NUDT3: variants seen among roughly 807,000 people sequenced by gnomAD.
NUDT3 encodes nudix hydrolase 3, also known as diphosphoinositol polyphosphate phosphohydrolase 1.
NUDT3 carries 9 observed loss-of-function variants against 23.6 expected under a neutral mutation model. The ratio of observed to expected loss-of-function variants is 0.38; its 90% CI spans 0.23 to 0.66. The LOEUF (loss-of-function observed/expected upper bound fraction) is 0.66, where lower values mean the gene tolerates loss of function less well. NUDT3 is among the 30% of genes least tolerant of loss of function. NUDT3 has a pLI of 0.52. For missense variants in NUDT3, 172 were observed against 218.5 expected, an observed-to-expected ratio of 0.79 and a Z score of 1.34; for synonymous variants, 86 against 82.6, an observed-to-expected ratio of 1.04 and a Z score of -0.22.
intron 1 of NUDT3, among the ~76,000 whole-genome samples, chr6:34,368,124 C>A (rs370912837): frequency 3.3e-4 from 51 of 152,284 alleles, no homozygotes; most frequent in African/African-American, 1.0e-3. Context: ...TCACTTGAAC[C>A]CAGGAGGCAG....
chr6:34,390,790 A>G (rs1765186019), intron 1 of NUDT3, among the ~76,000 whole-genome samples: 1 of 152,188 alleles, frequency 6.6e-6, no homozygotes, highest in Non-Finnish European at 1.5e-5. Flanking sequence ...TTTTCCCTTC[A>G]GTTAAGAGCC....
chr6:34,354,875 C>G (rs1764539410), intron 1 of NUDT3, among the ~76,000 whole-genome samples: 1 of 146,978 alleles, frequency 6.8e-6, no homozygotes, highest in Non-Finnish European at 1.5e-5. Context: ...ACTTTATATT[C>G]TATGCCATAC....
At chr6:34,383,279 C>T (rs897925681) in intron 1 of NUDT3, among the ~76,000 whole-genome samples, 2 of 151,916 alleles carry the variant, frequency 1.3e-5, no homozygotes, top group African/African-American at 2.4e-5. Context: ...ATAACCAAGC[C>T]GAAGAAAAGA....
chr6:34,290,864 G>A (rs947375816), intron 4 of NUDT3, among the ~76,000 whole-genome samples: 27 of 150,872 alleles, frequency 1.8e-4, no homozygotes, highest in African/African-American at 3.9e-4. Flanking sequence ...ATGTGATCCC[G>A]GCTCACTGCA....
intron 2 of NUDT3, among the ~76,000 whole-genome samples, chr6:34,301,109 T>G (rs1352873082): frequency 6.6e-6 from 1 of 152,254 alleles, no homozygotes; most frequent in Non-Finnish European, 1.5e-5. Context: ...AGTTATCTAT[T>G]TTAGGAATTT....
chr6:34,371,379 T>C (rs1195131275), intron 1 of NUDT3, among the ~76,000 whole-genome samples: 1 of 151,660 alleles, frequency 6.6e-6, no homozygotes, highest in South Asian at 2.1e-4. Flanking sequence ...GGCAGGAGAA[T>C]TGCTTGAACC....
At chr6:34,389,412 T>C (rs1455619384) in intron 1 of NUDT3, among the ~76,000 whole-genome samples, 1 of 152,226 alleles carries the variant, frequency 6.6e-6, no homozygotes, top group Admixed American at 6.5e-5. Context: ...GTGAGTCAAT[T>C]AAACCTCTTT....
chr6:34,324,140 A>G (rs566782323), intron 2 of NUDT3, among the ~76,000 whole-genome samples: 1 of 152,204 alleles, frequency 6.6e-6, no homozygotes, highest in African/African-American at 2.4e-5. Flanking sequence ...AGATCACCTG[A>G]GGTCAGGAGT....
intron 2 of NUDT3, among the ~76,000 whole-genome samples, chr6:34,321,221 T>C (rs1763937033): frequency 6.6e-6 from 1 of 152,088 alleles, no homozygotes. Context: ...GTGGATTGCC[T>C]GAGCTCAGGA....
Position 34,285,160 on chromosome 6 carries a change from G to A in NUDT3, c.*3593C>T, listed in dbSNP as rs1763319252. ...CTCCATGCAGGGCAGATGGAGTGGT[G>A]GACACTTGTGAAAACAAAACACTAA... is the stretch of plus-strand genomic sequence containing the variant. On this transcript the variant is annotated 3_prime_UTR_variant, in exon 5 of 5. Transcript: ENST00000607016. 6.6e-6 allele frequency: 1 copy of A among 152,170 alleles called. No homozygotes were observed. Among genetic ancestry groups the A allele is most frequent in the Admixed American group, 6.5e-5 (1 of 15,270 alleles). The allele number at this position is 152,170 out of a possible 1,614,324, so 9.4% of individuals were successfully genotyped here. A position where few individuals can be genotyped will look rare whatever the true frequency, so the allele number is the denominator to read the frequency against.
At chr6:34,388,899 A>C (rs1475529108) in intron 1 of NUDT3, among the ~76,000 whole-genome samples, 1 of 152,240 alleles carries the variant, frequency 6.6e-6, no homozygotes, top group African/African-American at 2.4e-5. Context: ...TCCTCGGCTC[A>C]TTAGCCAACG....
intron 1 of NUDT3, among the ~76,000 whole-genome samples, chr6:34,382,826 G>A (rs1346482976): frequency 6.6e-6 from 1 of 150,882 alleles, no homozygotes; most frequent in Admixed American, 6.6e-5. Context: ...GCAAGACCCT[G>A]TCTCAAAAAA....
intron 3 of NUDT3, 61 bp downstream of exon 3, chr6:34,295,580 T>C (rs777874782): frequency 1.3e-6 from 2 of 1,542,946 alleles, no homozygotes; most frequent in East Asian, 2.3e-5. Context: ...ATTTTTCCTA[T>C]GTTAATATCT....
intron 2 of NUDT3, among the ~76,000 whole-genome samples, chr6:34,300,094 G>T (rs1355695135): frequency 6.6e-6 from 1 of 151,882 alleles, no homozygotes; most frequent in Non-Finnish European, 1.5e-5. Flanking sequence ...TTCCTATGAG[G>T]TGTTCTACTG....
At position 34,281,515 on chromosome 6, in the gene NUDT3, C is replaced by A. The variant is rs1763279198; in HGVS notation, c.*7238G>T. 6.6e-6 allele frequency: 1 copy of A among 150,672 alleles called. No homozygotes were observed. Among genetic ancestry groups the A allele is most frequent in the Non-Finnish European group, 1.5e-5 (1 of 67,526 alleles). 9.3% of individuals were successfully genotyped at this position (150,672 alleles called of 1,614,324 possible). A position where few individuals can be genotyped will look rare whatever the true frequency, so the allele number is the denominator to read the frequency against. ...AATTTTACTTATTCTAACCACCAAC[C>A]TTTTCTTTGATTATCAACCAGTTTG... is the stretch of plus-strand genomic sequence containing the variant. On this transcript the variant is annotated 3_prime_UTR_variant, in exon 5 of 5. Coordinates refer to ENST00000607016, the MANE Select transcript of NUDT3 (RefSeq NM_006703.4).
chr6:34,365,153 G>A (rs1181359644), intron 1 of NUDT3, among the ~76,000 whole-genome samples: 4 of 152,150 alleles, frequency 2.6e-5, no homozygotes, highest in Non-Finnish European at 4.4e-5. Context: ...AAATCGGCCA[G>A]GCAAGGTGGC....
At chr6:34,292,578 TATC>T (rs1561897284) in intron 4 of NUDT3, among the ~76,000 whole-genome samples, 2 of 151,870 alleles carry the variant, frequency 1.3e-5, no homozygotes, top group South Asian at 2.1e-4. Flanking sequence ...TCATAAATTT[TATC>T]ATTTTTATAT....
chr6:34,332,887 A>C (rs1764149195), intron 2 of NUDT3, among the ~76,000 whole-genome samples: 1 of 152,200 alleles, frequency 6.6e-6, no homozygotes, highest in African/African-American at 2.4e-5. Context: ...AGACGAAGAG[A>C]AGACAGAACG....
chr6:34,392,236 CCCCGGCCCG>C lies in NUDT3; in HGVS notation c.99+19_99+27del. The C allele has an allele frequency of 6.5e-7, 1 of 1,543,024 alleles. No homozygotes were observed. The highest frequency in any genetic ancestry group is 2.4e-5 in the East Asian group (1 of 41,356). ...CCCGAAGGGGCCGGAGACCCGGCGA[CCCCGGCCCG>C]CCCAGCCTGCCGCCTCACCTCCTCC... On this transcript the variant is annotated intron_variant, in intron 1 of 4. Transcript: ENST00000607016.
Sources: gnomAD v4.1 joint callset for allele counts (sites outside exome capture counted in the v4.1 genomes callset) on GRCh38, gnomAD v4.1.1 for gene constraint, MANE v1.5 for transcripts, NCBI Gene and HGNC (gene_info 2026-07-23, HGNC 2026-07-21) for gene names.